Variants in SYNE3 observed in about 807,000 individuals in gnomAD.
The protein encoded by SYNE3 is nesprin-3.
A neutral mutation model predicts 111.2 loss-of-function variants in SYNE3; 100 were observed. That is an observed-to-expected ratio of 0.90 (90% confidence interval 0.77 to 1.06). SYNE3 has a LOEUF of 1.06. Ranked by LOEUF, SYNE3 falls within the 50% of genes least tolerant of loss-of-function variation. The pLI, the probability that SYNE3 is intolerant of heterozygous loss-of-function variation, is 0.00. For synonymous variants in SYNE3, 547 were observed against 533.9 expected, an observed-to-expected ratio of 1.02 and a Z score of -0.34; for missense variants, 1,160 against 1,240.3, an observed-to-expected ratio of 0.94 and a Z score of 0.97.
chr14:95,439,646 G>T lies in SYNE3; in HGVS notation c.2212C>A (p.Arg738=), dbSNP rs750249553. The T allele has an allele frequency of 6.2e-7, 1 of 1,613,022 alleles. No homozygotes were observed. Among genetic ancestry groups the T allele is most frequent in the East Asian group, 2.2e-5 (1 of 44,880 alleles). The change falls in exon 13 of 18, where the codon CGG becomes AGG. Residue 738 remains arginine, a synonymous_variant. Coordinates refer to ENST00000682763, the MANE Select transcript of SYNE3 (RefSeq NM_152592.6). Reference sequence around the variant, plus strand: ...CTTTCTTCCAGCAGCCTCAAGGCCCGCCACGACTCTGCCAGCTCCCTGAGC... The same window carrying T: ...CTTTCTTCCAGCAGCCTCAAGGCCCTCCACGACTCTGCCAGCTCCCTGAGC... ...EELRELAESW[R]ALRLLEESLL...
At chr14:95,451,532 A>C (rs1887077732) in intron 7 of SYNE3, 2 of 152,160 alleles carry the variant, frequency 1.3e-5, no homozygotes, top group South Asian at 4.1e-4. Context: ...CTACCTTAGC[A>C]TCCCACGGGG....
At chr14:95,487,693 T>C (rs548154261) in intron 1 of SYNE3, among the ~76,000 whole-genome samples, 1 of 152,252 alleles carries the variant, frequency 6.6e-6, no homozygotes, top group East Asian at 1.9e-4. Flanking sequence ...GCTGGTTTTG[T>C]AATTCCCACC....
chr14:95,480,862 G>A (rs759272835), intron 1 of SYNE3, among the ~76,000 whole-genome samples: 4 of 152,216 alleles, frequency 2.6e-5, no homozygotes, highest in African/African-American at 4.8e-5. Flanking sequence ...CACCCCGTTT[G>A]GGCCTCCTGG....
intron 17 of SYNE3, 34 bp downstream of exon 17, chr14:95,432,045 G>C: frequency 6.2e-7 from 1 of 1,605,626 alleles, no homozygotes; most frequent in East Asian, 2.2e-5. Context: ...CACCCTGCCT[G>C]CTAGCCGTGT....
At chr14:95,452,431 G>A in intron 6 of SYNE3, 48 bp from the exon 7 acceptor site, 2 of 1,550,738 alleles carry the variant, frequency 1.3e-6, no homozygotes, top group Non-Finnish European at 8.7e-7. Flanking sequence ...TCCTCAACAG[G>A]ATAAGTGTGT....
intron 1 of SYNE3, among the ~76,000 whole-genome samples, chr14:95,490,874 T>C (rs1362465143): frequency 1.3e-5 from 2 of 152,246 alleles, no homozygotes; most frequent in Non-Finnish European, 2.9e-5. Context: ...CCAGCCAGCA[T>C]GCCCCACTCA....
chr14:95,492,960 AG>A (rs1176158373), intron 1 of SYNE3, among the ~76,000 whole-genome samples: 2 of 152,186 alleles, frequency 1.3e-5, no homozygotes, highest in Non-Finnish European at 2.9e-5. Context: ...CAAAACTAGG[AG>A]GGCCATTAAA....
chr14:95,511,965 T>G (rs1890738327), intron 1 of SYNE3, among the ~76,000 whole-genome samples: 1 of 152,176 alleles, frequency 6.6e-6, no homozygotes, highest in Admixed American at 6.5e-5. Context: ...ACCAGTAGAT[T>G]GGTCCAGGTG....
intron 2 of SYNE3, among the ~76,000 whole-genome samples, chr14:95,469,843 T>TC (rs1342463387): frequency 3.3e-5 from 5 of 152,202 alleles, no homozygotes; most frequent in African/African-American, 1.2e-4. Context: ...TGGGCAATGG[T>TC]CCCCATCCTT....
chr14:95,502,900 G>A (rs535196908), intron 1 of SYNE3, among the ~76,000 whole-genome samples: 2 of 152,260 alleles, frequency 1.3e-5, no homozygotes, highest in East Asian at 3.9e-4. Context: ...GTCGAGCAGC[G>A]AGTTTCCACC....
At chr14:95,478,315 T>C (rs1889014583) in intron 1 of SYNE3, among the ~76,000 whole-genome samples, 1 of 152,174 alleles carries the variant, frequency 6.6e-6, no homozygotes, top group Non-Finnish European at 1.5e-5. Context: ...AAAGAAGCTC[T>C]CAGAGGAGCT....
intron 4 of SYNE3, among the ~76,000 whole-genome samples, chr14:95,461,119 G>C (rs1956121): frequency 0.062 from 9,431 of 152,318 alleles, 423 homozygotes; most frequent in Middle Eastern, 0.16. Context: ...GTTAGACCCA[G>C]CAATTACACC....
chr14:95,473,723 T>C (rs1461091273), intron 2 of SYNE3, among the ~76,000 whole-genome samples: 6 of 150,246 alleles, frequency 4.0e-5, no homozygotes, highest in Non-Finnish European at 7.4e-5. Flanking sequence ...TGACAGTGGC[T>C]GGAGCTAAGG....
chr14:95,437,088 C>A, intron 14 of SYNE3, 107 bp from the exon 15 acceptor site: 1 of 1,402,434 alleles, frequency 7.1e-7, no homozygotes, highest in Non-Finnish European at 9.8e-7. Flanking sequence ...GACAAGATGC[C>A]CAAAATGGCG....
intron 10 of SYNE3, among the ~76,000 whole-genome samples, 165 bp from the exon 11 acceptor site, chr14:95,443,454 G>C (rs914445050): frequency 1.3e-5 from 2 of 152,196 alleles, no homozygotes; most frequent in Admixed American, 6.5e-5. Flanking sequence ...TGGCTGGTCT[G>C]ATGGGCCCAC....
At chr14:95,467,411 C>T (rs1264266815) in intron 3 of SYNE3, among the ~76,000 whole-genome samples, 7 of 152,076 alleles carry the variant, frequency 4.6e-5, no homozygotes, top group Non-Finnish European at 1.0e-4. Context: ...CAGGTCTGTC[C>T]GAGTGTTTGC....
chr14:95,477,953 G>A (rs907575183), intron 1 of SYNE3, among the ~76,000 whole-genome samples: 8 of 152,202 alleles, frequency 5.3e-5, no homozygotes, highest in Non-Finnish European at 7.3e-5. Flanking sequence ...GAGTCCTGCT[G>A]AGTCTCAGAT....
intron 1 of SYNE3, among the ~76,000 whole-genome samples, chr14:95,488,278 G>T (rs560085669): frequency 7.2e-5 from 11 of 152,220 alleles, no homozygotes; most frequent in African/African-American, 2.2e-4. Context: ...TTAGAGAGAG[G>T]GGTCTGATTT....
rs116482933 is a variant in SYNE3 at position 95,432,276 on chromosome 14, C to T, written c.2689-159G>A. On this transcript the variant is annotated intron_variant, in intron 16 of 17. Coordinates refer to ENST00000682763, the MANE Select transcript of SYNE3 (RefSeq NM_152592.6). ...GGACAGCCTGAGCCAGCAGATGATT[C>T]GATTTAATGAGCTTTTTAACACACT... Among the ~76,000 whole-genome samples the T allele has an allele frequency of 3.8e-3, 582 of 152,338 alleles. 1 individual carries two copies. The highest frequency in any genetic ancestry group is 0.013 in the African/African-American group (526 of 41,570).
Sources: gnomAD v4.1 joint callset for allele counts (sites outside exome capture counted in the v4.1 genomes callset) on GRCh38, gnomAD v4.1.1 for gene constraint, MANE v1.5 for transcripts, NCBI Gene and HGNC (gene_info 2026-07-23, HGNC 2026-07-21) for gene names.